NRG1: variants seen among roughly 807,000 people sequenced by gnomAD.
NRG1 encodes pro-neuregulin-1, membrane-bound isoform.
NRG1 carries 18 observed loss-of-function variants against 63.8 expected under a neutral mutation model. The observed-to-expected ratio is 0.28, with a 90% CI of 0.19 to 0.42. NRG1 has a LOEUF of 0.42. NRG1 is among the 10% of genes least tolerant of loss of function. NRG1 has a pLI of 1.00. For missense variants in NRG1, 762 were observed against 814.7 expected (o/e 0.94, Z 0.79); for synonymous variants, 302 against 301.3 (o/e 1.00, Z -0.02).
intron 1 of NRG1, among the ~76,000 whole-genome samples, chr8:31,879,160 C>T (rs748510219): frequency 5.9e-5 from 9 of 152,106 alleles, no homozygotes; most frequent in Non-Finnish European, 1.2e-4. Context: ...GGAACATTTT[C>T]GATTCTGTTC....
At chr8:31,983,414 G>C (rs1451330617) in intron 1 of NRG1, among the ~76,000 whole-genome samples, 1 of 151,976 alleles carries the variant, frequency 6.6e-6, no homozygotes, top group African/African-American at 2.4e-5. Flanking sequence ...ATCTCACTCT[G>C]TTGCCCAGAC....
chr8:32,201,995 G>C (rs551054107), intron 1 of NRG1, among the ~76,000 whole-genome samples: 5 of 152,254 alleles, frequency 3.3e-5, no homozygotes, highest in Admixed American at 1.3e-4. Flanking sequence ...ACTCTCAGAT[G>C]TGAAAGGGAA....
At chr8:31,659,491 G>T (rs1177272800) in intron 1 of NRG1, among the ~76,000 whole-genome samples, 1 of 152,026 alleles carries the variant, frequency 6.6e-6, no homozygotes, top group Non-Finnish European at 1.5e-5. Flanking sequence ...CAGGGGCGAG[G>T]GGGGATACCT....
intron 6 of NRG1, among the ~76,000 whole-genome samples, chr8:32,736,223 T>C (rs1825019672): frequency 6.6e-6 from 1 of 152,136 alleles, no homozygotes; most frequent in Non-Finnish European, 1.5e-5. Flanking sequence ...CTCAAGAAAC[T>C]TCACTTAAAG....
intron 1 of NRG1, among the ~76,000 whole-genome samples, chr8:32,428,572 G>C (rs532422984): frequency 2.2e-4 from 33 of 152,220 alleles, no homozygotes; most frequent in Admixed American, 5.9e-4. Context: ...ACGTGTGAAG[G>C]GAGGACACCC....
intron 1 of NRG1, among the ~76,000 whole-genome samples, chr8:32,434,819 A>G (rs1818585025): frequency 6.6e-6 from 1 of 152,238 alleles, no homozygotes; most frequent in Non-Finnish European, 1.5e-5. Context: ...AATTTAAAAT[A>G]ATACAAATAA....
intron 7 of NRG1, among the ~76,000 whole-genome samples, chr8:32,751,510 T>G (rs193015775): frequency 2.0e-5 from 3 of 152,300 alleles, no homozygotes; most frequent in Admixed American, 2.0e-4. Context: ...AAGAATCCAT[T>G]GTTTGTATTA....
intron 1 of NRG1, among the ~76,000 whole-genome samples, chr8:32,108,478 C>T (rs760827548): frequency 1.3e-5 from 2 of 152,172 alleles, no homozygotes; most frequent in Non-Finnish European, 2.9e-5. Context: ...TAATCGCATT[C>T]GTGAGGGAGC....
chr8:31,887,876 G>T (rs181714036), intron 1 of NRG1, among the ~76,000 whole-genome samples: 1 of 151,982 alleles, frequency 6.6e-6, no homozygotes, highest in Non-Finnish European at 1.5e-5. Flanking sequence ...GTTGTTAAAA[G>T]TTAGAATATG....
At chr8:31,893,714 A>C (rs1382350118) in intron 1 of NRG1, among the ~76,000 whole-genome samples, 1 of 151,874 alleles carries the variant, frequency 6.6e-6, no homozygotes. Context: ...TTAAAGGCTA[A>C]TATTAATAGC....
chr8:32,693,071 C>T (rs73675421), intron 5 of NRG1, among the ~76,000 whole-genome samples: 2,915 of 152,254 alleles, frequency 0.019, 106 homozygotes, highest in African/African-American at 0.067. Flanking sequence ...TCACTTATTC[C>T]TAAGGAAGAG....
At chr8:32,258,006 T>C (rs1240796572) in intron 1 of NRG1, among the ~76,000 whole-genome samples, 2 of 152,198 alleles carry the variant, frequency 1.3e-5, no homozygotes, top group African/African-American at 4.8e-5. Context: ...CCAAGAAGTG[T>C]TGAAAACTCT....
chr8:31,977,719 T>C (rs1227254644), intron 1 of NRG1, among the ~76,000 whole-genome samples: 2 of 152,140 alleles, frequency 1.3e-5, no homozygotes, highest in Non-Finnish European at 2.9e-5. Flanking sequence ...ACAACTATGA[T>C]GCTAATTAGG....
chr8:32,249,506 A>C (rs1848890565), intron 1 of NRG1, among the ~76,000 whole-genome samples: 1 of 152,092 alleles, frequency 6.6e-6, no homozygotes, highest in Non-Finnish European at 1.5e-5. Context: ...TAGCAAACCA[A>C]ATTCTCTGTT....
intron 5 of NRG1, among the ~76,000 whole-genome samples, chr8:32,640,661 C>G (rs1852211105): frequency 6.9e-6 from 1 of 145,114 alleles, no homozygotes. Context: ...CACACACACA[C>G]AGAAACTAGT....
intron 11 of NRG1, chr8:32,760,909 G>A: frequency 1.0e-6 from 1 of 992,198 alleles, no homozygotes; most frequent in Non-Finnish European, 1.2e-6. Flanking sequence ...GTCATGGGGG[G>A]CAACTGCTTG....
chr8:31,651,300 T>G (rs117695995), intron 1 of NRG1, among the ~76,000 whole-genome samples: 1 of 152,356 alleles, frequency 6.6e-6, no homozygotes, highest in Non-Finnish European at 1.5e-5. Flanking sequence ...AAGCCTGTCT[T>G]TGAAATGATA....
chr8:31,794,817 C>A (rs1019731588), intron 1 of NRG1, among the ~76,000 whole-genome samples: 1 of 151,926 alleles, frequency 6.6e-6, no homozygotes, highest in Non-Finnish European at 1.5e-5. Context: ...TTTCTAAATT[C>A]TTTATGATGG....
At chr8:32,275,826 G>A (rs993033275) in intron 1 of NRG1, among the ~76,000 whole-genome samples, 2 of 150,636 alleles carry the variant, frequency 1.3e-5, no homozygotes, top group African/African-American at 2.5e-5. Context: ...TGCCTCTACC[G>A]TTCCCCAGAC....
Sources: allele counts gnomAD v4.1 joint callset (sites outside exome capture counted in the v4.1 genomes callset), GRCh38; gene constraint gnomAD v4.1.1; transcripts MANE v1.5; gene names NCBI Gene and HGNC (gene_info 2026-07-23, HGNC 2026-07-21).